ARMH3: variants seen among roughly 807,000 people sequenced by gnomAD.
ARMH3 encodes the protein armadillo like helical domain containing 3, also known as armadillo-like helical domain-containing protein 3.
ARMH3 carries 60 observed loss-of-function variants against 99.1 expected under a neutral mutation model. The observed-to-expected ratio is 0.61, with a 90% CI of 0.49 to 0.75. The LOEUF (loss-of-function observed/expected upper bound fraction) is 0.75. ARMH3 is among the 30% of genes least tolerant of loss of function. The pLI is 0.00. For missense variants in ARMH3, 679 were observed against 843.1 expected (o/e 0.81, Z 2.41); for synonymous variants, 285 against 292.8 (o/e 0.97, Z 0.27).
chr10:101,850,422 C>CTT (rs549822429), intron 24 of ARMH3, among the ~76,000 whole-genome samples: 1 of 134,620 alleles, frequency 7.4e-6, no homozygotes, highest in East Asian at 2.2e-4. Context: ...CTCTCTCTCT[C>CTT]TTTTTTTTTT....
chr10:101,868,646 TAATG>T (rs1229861797), intron 24 of ARMH3, among the ~76,000 whole-genome samples: 5 of 152,330 alleles, frequency 3.3e-5, no homozygotes, highest in African/African-American at 1.2e-4. Flanking sequence ...CACTTCCACT[TAATG>T]AATAGTAAAT....
intron 2 of ARMH3, among the ~76,000 whole-genome samples, chr10:102,036,131 C>T (rs1158609924): frequency 7.5e-5 from 9 of 120,240 alleles, no homozygotes; most frequent in East Asian, 2.4e-4. Context: ...GCAGCCCCCG[C>T]CCGGCCAGCC....
chr10:101,944,233 T>G (rs1413116049), intron 22 of ARMH3, among the ~76,000 whole-genome samples: 10 of 118,738 alleles, frequency 8.4e-5, no homozygotes, highest in African/African-American at 3.2e-4. Flanking sequence ...GCAGAAGGAT[T>G]GCTTGAGCCT....
intron 2 of ARMH3, among the ~76,000 whole-genome samples, chr10:102,037,274 C>T (rs2067300490): frequency 6.7e-6 from 1 of 150,146 alleles, no homozygotes; most frequent in African/African-American, 2.4e-5. Flanking sequence ...CTCTGCCTCC[C>T]GGGTTCAAGC....
At chr10:101,847,716 G>T in intron 25 of ARMH3, 96 bp from the exon 26 acceptor site, 2 of 1,076,302 alleles carry the variant, frequency 1.9e-6, no homozygotes, top group Non-Finnish European at 2.9e-6. Context: ...CCTGCTACAC[G>T]GGGCACTAGA....
intron 2 of ARMH3, among the ~76,000 whole-genome samples, chr10:102,038,415 T>C (rs979238630): frequency 1.3e-5 from 2 of 152,186 alleles, no homozygotes; most frequent in East Asian, 3.9e-4. Flanking sequence ...AATAGGATCC[T>C]AGCACCTACT....
chr10:102,002,213 C>G, intron 14 of ARMH3, 141 bp from the exon 15 acceptor site: 3 of 1,290,452 alleles, frequency 2.3e-6, no homozygotes, highest in Non-Finnish European at 3.1e-6. Flanking sequence ...GTGCTCATCA[C>G]AAAACTTTTA....
At chr10:102,049,038 C>G (rs188905800) in intron 1 of ARMH3, among the ~76,000 whole-genome samples, 119 of 151,446 alleles carry the variant, frequency 7.9e-4, no homozygotes, top group Admixed American at 1.5e-3. Context: ...GGGCATCATT[C>G]TTTCTTCTTT....
At chr10:102,046,152 G>C (rs927072194) in intron 1 of ARMH3, among the ~76,000 whole-genome samples, 1 of 151,744 alleles carries the variant, frequency 6.6e-6, no homozygotes, top group African/African-American at 2.4e-5. Context: ...TTATGTACCA[G>C]GCACTGTTCT....
In ARMH3 at chr10:101,902,124, G is replaced by A. The variant is rs372448748; in HGVS notation, c.1782-12634C>T. ...ATCAATTATCCTAAGATTTACAAAT[G>A]GCACTTGAAGCACCTTTTGGCCCTA... On this transcript the variant is annotated intron_variant, in intron 23 of 25. Coordinates refer to ENST00000370033, the MANE Select transcript of ARMH3 (RefSeq NM_024541.3). Among the ~76,000 whole-genome samples, 12 of 152,178 alleles carry A rather than the reference G, an allele frequency of 7.9e-5. No homozygotes were observed. In the East Asian group the frequency reaches 1.5e-3, roughly 20 times the overall value.
intron 2 of ARMH3, 165 bp from the exon 3 acceptor site, chr10:102,033,504 G>GC (rs2067182455): frequency 7.0e-6 from 5 of 712,962 alleles, no homozygotes; most frequent in East Asian, 2.9e-5. Context: ...TGCAGGCTCC[G>GC]CCCCCCAGGG....
chr10:101,920,927 G>T (rs963069462), intron 23 of ARMH3, among the ~76,000 whole-genome samples: 5 of 152,084 alleles, frequency 3.3e-5, no homozygotes, highest in Non-Finnish European at 7.4e-5. Flanking sequence ...CCACTATAAG[G>T]TATCTAAAAT....
At chr10:101,993,451 G>C in intron 17 of ARMH3, 87 bp downstream of exon 17, 1 of 1,007,104 alleles carries the variant, frequency 9.9e-7, no homozygotes, top group South Asian at 1.6e-5. Context: ...ACCCACATTT[G>C]TTCTAGTAAG....
intron 20 of ARMH3, among the ~76,000 whole-genome samples, chr10:101,966,433 C>T (rs1201067296): frequency 4.0e-5 from 6 of 151,656 alleles, no homozygotes; most frequent in Middle Eastern, 3.2e-3. Flanking sequence ...CCCGCCACCA[C>T]GCCTGGCTAA....
intron 16 of ARMH3, among the ~76,000 whole-genome samples, chr10:101,994,052 A>G (rs1409241372): frequency 6.6e-6 from 1 of 152,204 alleles, no homozygotes; most frequent in African/African-American, 2.4e-5. Context: ...GTTCAGCCCA[A>G]CAGAAGCAAA....
chr10:101,986,941 C>T (rs1846538581), intron 19 of ARMH3, among the ~76,000 whole-genome samples: 1 of 152,056 alleles, frequency 6.6e-6, no homozygotes, highest in Non-Finnish European at 1.5e-5. Flanking sequence ...AATTAAGGAG[C>T]AGGTGGAAAA....
intron 22 of ARMH3, among the ~76,000 whole-genome samples, chr10:101,956,022 G>A (rs1397470752): frequency 6.6e-6 from 1 of 152,020 alleles, no homozygotes; most frequent in Non-Finnish European, 1.5e-5. Context: ...TTATACTACA[G>A]GTAGAATTAA....
chr10:101,921,382 T>C (rs1843299865), intron 23 of ARMH3, among the ~76,000 whole-genome samples: 2 of 152,178 alleles, frequency 1.3e-5, no homozygotes, highest in African/African-American at 2.4e-5. Flanking sequence ...ATGAGGGAAC[T>C]TTCTAGGTTG....
At chr10:101,866,913 A>AAAAC (rs200997945) in intron 24 of ARMH3, among the ~76,000 whole-genome samples, 2,129 of 152,312 alleles carry the variant, frequency 0.014, 21 homozygotes, top group Non-Finnish European at 0.023. Context: ...CAAACAAACA[A>AAAAC]AAACAAACAA....
Sources: allele counts gnomAD v4.1 joint callset (sites outside exome capture counted in the v4.1 genomes callset), GRCh38; gene constraint gnomAD v4.1.1; transcripts MANE v1.5; gene names NCBI Gene and HGNC (gene_info 2026-07-23, HGNC 2026-07-21).